IPO11: variants seen among roughly 807,000 people sequenced by gnomAD.
IPO11 encodes importin-11.
In IPO11, 66 loss-of-function variants were observed where a neutral mutation model predicts 143.2. The ratio of observed to expected loss-of-function variants is 0.46; its 90% CI spans 0.38 to 0.57. The LOEUF is 0.57. Ranked by LOEUF, IPO11 falls within the 20% of genes least tolerant of loss-of-function variation. The pLI, the probability that IPO11 is intolerant of heterozygous loss-of-function variation, is 0.00. For synonymous variants in IPO11, 385 were observed against 377.8 expected, an observed-to-expected ratio of 1.02 and a Z score of -0.22; for missense variants, 1,026 against 1,141.0, an observed-to-expected ratio of 0.90 and a Z score of 1.45.
intron 11 of IPO11, among the ~76,000 whole-genome samples, chr5:62,484,982 C>A (rs1179587780): frequency 6.7e-6 from 1 of 150,316 alleles, no homozygotes; most frequent in African/African-American, 2.4e-5. Context: ...AGTGTTGAGT[C>A]CCTAAATTTT....
At chr5:62,525,299 C>G (rs904172013) in intron 20 of IPO11, among the ~76,000 whole-genome samples, 2 of 151,784 alleles carry the variant, frequency 1.3e-5, no homozygotes, top group African/African-American at 4.8e-5. Flanking sequence ...CACACTTCTG[C>G]ACCTTTTAAA....
At chr5:62,550,753 G>T (rs1743360698) in intron 25 of IPO11, among the ~76,000 whole-genome samples, 1 of 151,916 alleles carries the variant, frequency 6.6e-6, no homozygotes, top group Non-Finnish European at 1.5e-5. Context: ...AGAATATGAG[G>T]GGGACAAAAT....
intron 26 of IPO11, among the ~76,000 whole-genome samples, chr5:62,552,416 G>T (rs1362174643): frequency 6.6e-6 from 1 of 150,580 alleles, no homozygotes. Context: ...AAATAAATAG[G>T]GTATATTTTT....
rs1424566225 is a variant in IPO11 at position 62,551,248 on chromosome 5, A to G, written c.2372A>G (p.Tyr791Cys). 6.2e-7 allele frequency: 1 copy of G among 1,607,432 alleles called. No homozygotes were observed. The highest frequency in any genetic ancestry group is 1.3e-5 in the African/African-American group (1 of 74,750). The change falls in exon 26 of 30, where the codon TAT becomes TGT. Residue 791 changes from tyrosine to cysteine, a missense_variant. This residue lies in a region of IPO11 where 351 missense variants were observed against 358.9 expected (regional missense o/e 0.98). Transcript: ENST00000325324. ...AGGTATCCTGTAGTGATGTCCACGT[A>G]TCTTGGAGTTATGGGTCGAGTTCTA... ...GERYPVVMST[Y>C]LGVMGRVLLQ...
At chr5:62,489,155 C>T in intron 13 of IPO11, 147 bp from the exon 14 acceptor site, 1 of 461,130 alleles carries the variant, frequency 2.2e-6, no homozygotes, top group Non-Finnish European at 3.7e-6. Flanking sequence ...TAGACTTTCC[C>T]TTTGTACTTG....
intron 5 of IPO11, among the ~76,000 whole-genome samples, chr5:62,465,985 G>A (rs1403210634): frequency 2.6e-5 from 4 of 152,156 alleles, no homozygotes; most frequent in Non-Finnish European, 5.9e-5. Flanking sequence ...TATATTCTGC[G>A]GTGTGTTTTA....
At chr5:62,569,978 A>G (rs1165439786) in intron 27 of IPO11, among the ~76,000 whole-genome samples, 3 of 152,160 alleles carry the variant, frequency 2.0e-5, no homozygotes, top group Non-Finnish European at 4.4e-5. Flanking sequence ...TTTTTGTATA[A>G]GCTATGCATA....
intron 15 of IPO11, among the ~76,000 whole-genome samples, chr5:62,491,375 T>C (rs1353746840): frequency 1.3e-5 from 2 of 152,200 alleles, no homozygotes; most frequent in African/African-American, 2.4e-5. Flanking sequence ...TGACTTAGTC[T>C]CAGGGAGCTA....
At chr5:62,470,394 C>G (rs1745723081) in intron 7 of IPO11, 86 bp downstream of exon 7, 10 of 1,172,354 alleles carry the variant, frequency 8.5e-6, no homozygotes, top group Middle Eastern at 1.9e-4. Context: ...ATTTGGCATT[C>G]AATTAGAAGA....
At chr5:62,581,260 C>G (rs1744549590) in intron 27 of IPO11, 1 of 1,537,756 alleles carries the variant, frequency 6.5e-7, no homozygotes, top group Admixed American at 2.1e-5. Flanking sequence ...ACAAATTGTT[C>G]CTGAAAATGA....
intron 27 of IPO11, among the ~76,000 whole-genome samples, chr5:62,572,565 A>G (rs913395801): frequency 2.0e-5 from 3 of 150,104 alleles, no homozygotes; most frequent in East Asian, 3.9e-4. Context: ...TTATTTATTT[A>G]TTTATTTATT....
chr5:62,502,331 A>C (rs1741373628), intron 16 of IPO11, among the ~76,000 whole-genome samples: 1 of 152,216 alleles, frequency 6.6e-6, no homozygotes, highest in African/African-American at 2.4e-5. Context: ...ACAAGTCTTC[A>C]TTCTATAAAC....
intron 29 of IPO11, among the ~76,000 whole-genome samples, chr5:62,624,630 C>CT (rs1400029830): frequency 6.6e-6 from 1 of 152,048 alleles, no homozygotes; most frequent in Non-Finnish European, 1.5e-5. Flanking sequence ...CTTAGAATGT[C>CT]TAACGTCCTG....
intron 28 of IPO11, among the ~76,000 whole-genome samples, chr5:62,595,424 G>T (rs1157343383): frequency 1.3e-5 from 2 of 152,152 alleles, no homozygotes; most frequent in Non-Finnish European, 2.9e-5. Flanking sequence ...AAAAATAGTT[G>T]TGCTTATACC....
chr5:62,461,861 C>A (rs186703520), intron 5 of IPO11, among the ~76,000 whole-genome samples: 58 of 152,198 alleles, frequency 3.8e-4, no homozygotes, highest in African/African-American at 1.3e-3. Flanking sequence ...ATTATACTTA[C>A]GTTGAACATC....
Position 62,586,165 on chromosome 5 carries a change from A to G in IPO11, c.2583-5412A>G, listed in dbSNP as rs368407093. 2.6e-5 allele frequency among the ~76,000 whole-genome samples: 4 copies of G among 152,350 alleles called. No homozygotes were observed. The East Asian group carries it at 7.7e-4, about 29-fold the overall frequency. On this transcript the variant is annotated intron_variant, in intron 27 of 29. Coordinates refer to ENST00000325324, the MANE Select transcript of IPO11 (RefSeq NM_016338.5). ...AAAGTTTTTTGGTCAACTGTAATACATTATTATTAGAAAGCTGTAACAAAA... is the reference window on the plus strand; with the variant it reads ...AAAGTTTTTTGGTCAACTGTAATACGTTATTATTAGAAAGCTGTAACAAAA...
chr5:62,450,483 A>G (rs1304986446), intron 4 of IPO11, among the ~76,000 whole-genome samples: 1 of 152,212 alleles, frequency 6.6e-6, no homozygotes, highest in East Asian at 1.9e-4. Flanking sequence ...TAGTCTCACA[A>G]AAGTATAGCA....
intron 1 of IPO11, among the ~76,000 whole-genome samples, chr5:62,427,104 ATT>A (rs946708336): frequency 1.7e-4 from 25 of 151,218 alleles, no homozygotes; most frequent in African/African-American, 6.1e-4. Context: ...CACCTGGCTC[ATT>A]TTTTTGTATT....
intron 29 of IPO11, among the ~76,000 whole-genome samples, chr5:62,610,492 C>T (rs1015029424): frequency 5.9e-5 from 9 of 152,124 alleles, no homozygotes; most frequent in East Asian, 1.9e-4. Context: ...TTGTCACTTA[C>T]GTGTTGGTTA....
Sources: gnomAD v4.1 joint callset for allele counts (sites outside exome capture counted in the v4.1 genomes callset) on GRCh38, gnomAD v4.1.1 for gene constraint, gnomAD v4.1.1 regional missense constraint, MANE v1.5 for transcripts, NCBI Gene and HGNC (gene_info 2026-07-23, HGNC 2026-07-21) for gene names.